Variants in SSTR3 observed in about 807,000 individuals in gnomAD.
SSTR3 encodes somatostatin receptor type 3.
For synonymous variants in SSTR3, 281 were observed against 269.2 expected (o/e 1.04, Z -0.43); for missense variants, 504 against 604.7 (o/e 0.83, Z 1.75).
At chr22:37,215,147 T>A (rs919915530), upstream of SSTR3, among the ~76,000 whole-genome samples, 3 of 152,366 alleles carry the variant, frequency 2.0e-5, no homozygotes, top group Non-Finnish European at 4.4e-5. Flanking sequence ...CCTCGGTGCA[T>A]ACATCCCAAT....
Position 37,205,017 on chromosome 22 carries a change from C to T in SSTR3, c.*1530G>A, listed in dbSNP as rs1925636263. 1 of 152,512 alleles carries T rather than the reference C, an allele frequency of 6.6e-6. No homozygotes were observed. 9.4% of individuals were successfully genotyped at this position (152,512 alleles called of 1,614,324 possible). A position where few individuals can be genotyped will look rare whatever the true frequency, so the allele number is the denominator to read the frequency against. ...CTCTGGGAGGGAGTCTAGGCCCAGC[C>T]TTGGATGGTGGCTGCTCCCCATGGT... On this transcript the variant is annotated 3_prime_UTR_variant, in exon 2 of 2. Coordinates refer to ENST00000610913, the MANE Select transcript of SSTR3 (RefSeq NM_001051.5).
chr22:37,207,371 C>A lies in SSTR3; in HGVS notation c.433G>T (p.Val145Leu). ...CGGGCCGAGCGGGTGGGATGTACCA[C>A]GGCCAGGTAGCGGTCCACGCTCATG... is the stretch of plus-strand genomic sequence containing the variant. Reference protein sequence around the residue: ...TVMSVDRYLAVVHPTRSARWR... With the variant: ...TVMSVDRYLALVHPTRSARWR... The change falls in exon 2 of 2, where the codon GTG becomes TTG. Residue 145 changes from valine (V) to leucine (L), a missense_variant. Val to Leu is a conservative substitution (Grantham distance 32, BLOSUM62 1). Transcript: ENST00000610913. 1 of 1,611,000 alleles carries A rather than the reference C, an allele frequency of 6.2e-7. No homozygotes were observed. The highest frequency in any genetic ancestry group is 8.5e-7 in the Non-Finnish European group (1 of 1,178,348).
At chr22:37,213,754 G>A (rs1432937817), upstream of SSTR3, among the ~76,000 whole-genome samples, 2 of 152,064 alleles carry the variant, frequency 1.3e-5, no homozygotes, top group African/African-American at 4.8e-5. Context: ...CCTACCCACG[G>A]CTTCTCACTG....
At chr22:37,213,603 C>T (rs890330925), upstream of SSTR3, among the ~76,000 whole-genome samples, 1 of 152,242 alleles carries the variant, frequency 6.6e-6, no homozygotes, top group African/African-American at 2.4e-5. Context: ...GTCCCTTTGC[C>T]TTGTGCCCGG....
At position 37,207,403 on chromosome 22, in the gene SSTR3, A is replaced by G. The variant is rs774649311; in HGVS notation, c.401T>C (p.Leu134Pro). The change falls in exon 2 of 2, where the codon CTG becomes CCG. Residue 134 changes from leucine (L) to proline (P), a missense_variant. Physicochemically the swap from Leu to Pro is moderately conservative, Grantham distance 98. Transcript: ENST00000610913. Reference sequence around the variant, plus strand: ...GTAGCGGTCCACGCTCATGACAGTCAGGCAGAATATGCTGGTGAACTGGTT... The same window carrying G: ...GTAGCGGTCCACGCTCATGACAGTCGGGCAGAATATGCTGGTGAACTGGTT... ...GINQFTSIFC[L>P]TVMSVDRYLA... The G allele has an allele frequency of 3.7e-6, 6 of 1,613,016 alleles. No homozygotes were observed. The highest frequency in any genetic ancestry group is 5.1e-6 in the Non-Finnish European group (6 of 1,179,614).
the SSTR3 span, among the ~76,000 whole-genome samples, chr22:37,219,841 C>A: frequency 6.6e-6 from 1 of 152,162 alleles, no homozygotes; most frequent in Non-Finnish European, 1.5e-5. Flanking sequence ...CCGGCACATC[C>A]AGGTCAGCTC....
chr22:37,204,400 T>A lies in SSTR3; in HGVS notation c.*2147A>T, dbSNP rs1925583647. 1 of 152,404 alleles carries A rather than the reference T, an allele frequency of 6.6e-6. No homozygotes were observed. Among genetic ancestry groups the A allele is most frequent in the African/African-American group, 2.4e-5 (1 of 41,454 alleles). The allele number at this position is 152,404 out of a possible 1,614,324, so 9.4% of individuals were successfully genotyped here. A position where few individuals can be genotyped will look rare whatever the true frequency, so the allele number is the denominator to read the frequency against. On this transcript the variant is annotated 3_prime_UTR_variant, in exon 2 of 2. Coordinates refer to ENST00000610913, the MANE Select transcript of SSTR3 (RefSeq NM_001051.5). The stretch of plus-strand genomic sequence containing the variant: ...AGAAGGCCAGGGCATCCTTCCTCCC[T>A]TGGACCCTCAGATCTTCCTCAAGAA...
Position 37,207,724 on chromosome 22 carries a change from G to A in SSTR3, c.80C>T (p.Thr27Ile), listed in dbSNP as rs145680119. The A allele has an allele frequency of 6.5e-7, 1 of 1,533,198 alleles. No homozygotes were observed. The highest frequency in any genetic ancestry group is 8.8e-7 in the Non-Finnish European group (1 of 1,140,096). The allele number at this position is 1,533,198 out of a possible 1,614,324, so 95.0% of individuals were successfully genotyped here. ...NASSAWPPDATLGNVSAGPSP... is the reference protein window; with the variant it reads ...NASSAWPPDAILGNVSAGPSP... ...TGGGCCCGCCGACACGTTGCCCAGG[G>A]TGGCATCTGGGGGCCAGGCCGAGGA... Residue 27 changes from threonine to isoleucine, a missense_variant, in exon 2 of 2, where the codon ACC becomes ATC. Physicochemically the swap from Thr to Ile is moderately conservative, Grantham distance 89. Coordinates refer to ENST00000610913, the MANE Select transcript of SSTR3 (RefSeq NM_001051.5).
chr22:37,215,513 G>T (rs942187130), upstream of SSTR3, among the ~76,000 whole-genome samples: 1 of 152,218 alleles, frequency 6.6e-6, no homozygotes, highest in African/African-American at 2.4e-5. Context: ...AGCCTCCCGA[G>T]TAGCAGGGAT....
At position 37,207,412 on chromosome 22, in the gene SSTR3, A is replaced by G; in HGVS notation, c.392T>C (p.Ile131Thr). The G allele has an allele frequency of 1.2e-6, 2 of 1,613,314 alleles. No homozygotes were observed. Among genetic ancestry groups the G allele is most frequent in the Non-Finnish European group, 1.7e-6 (2 of 1,179,726 alleles). ...CACGCTCATGACAGTCAGGCAGAAT[A>G]TGCTGGTGAACTGGTTGATGCCATC... The part of the protein sequence containing the change: ...AVDGINQFTS[I>T]FCLTVMSVDR... Residue 131 changes from isoleucine (I) to threonine (T), a missense_variant, in exon 2 of 2, where the codon ATA (isoleucine) becomes ACA (threonine). Transcript: ENST00000610913.
chr22:37,214,883 G>T (rs1444133027), upstream of SSTR3, among the ~76,000 whole-genome samples: 3 of 152,024 alleles, frequency 2.0e-5, no homozygotes, highest in Non-Finnish European at 4.4e-5. Flanking sequence ...AAGCACCAGG[G>T]CCTCCATCTG....
chr22:37,211,672 G>A (rs1055039564), intron 1 of SSTR3, among the ~76,000 whole-genome samples, 153 bp downstream of exon 1: 1 of 152,042 alleles, frequency 6.6e-6, no homozygotes, highest in Non-Finnish European at 1.5e-5. Context: ...CCCTGCAGCC[G>A]ACCGGGAGGT....
intron 1 of SSTR3, chr22:37,210,678 C>G: frequency 1.0e-6 from 1 of 985,450 alleles, no homozygotes; most frequent in South Asian, 4.7e-5. Context: ...TGGGGGCGGA[C>G]TCCTTGGAGG....
the SSTR3 span, among the ~76,000 whole-genome samples, chr22:37,218,455 TG>T: frequency 6.6e-6 from 1 of 152,266 alleles, no homozygotes; most frequent in South Asian, 2.1e-4. Flanking sequence ...CTCAGGAGGC[TG>T]AGGCAGGAGA....
In SSTR3 at chr22:37,210,476, T is replaced by C. The variant is rs34443651; in HGVS notation, c.-37+1349A>G. On this transcript the variant is annotated intron_variant, in intron 1 of 1. Transcript: ENST00000610913. The stretch of plus-strand genomic sequence containing the variant: ...CACCCTTATCTCAGCCGGTCTTCCC[T>C]GTCAAAGTTTGAGGGGCCCAGGCAG... The C allele has an allele frequency of 1.2e-4, 117 of 975,434 alleles. 8 individuals are homozygous for C. In the East Asian group the frequency reaches 0.013, roughly 108 times the overall value. 60.4% of individuals were successfully genotyped at this position (975,434 alleles called of 1,614,324 possible).
upstream of SSTR3, among the ~76,000 whole-genome samples, chr22:37,214,672 C>T (rs1172806184): frequency 6.6e-6 from 1 of 152,192 alleles, no homozygotes; most frequent in Non-Finnish European, 1.5e-5. Flanking sequence ...ACCTTGTACT[C>T]CCCTGCTTCC....
Position 37,212,239 on chromosome 22 carries a change from G to C in SSTR3, c.-451C>G. The C allele has an allele frequency of 1.4e-5, 9 of 661,530 alleles. No individual in the cohort carries two copies. Among genetic ancestry groups the C allele is most frequent in the South Asian group, 6.9e-5 (1 of 14,394 alleles). The allele number at this position is 661,530 out of a possible 1,614,324, so 41.0% of individuals were successfully genotyped here. A position where few individuals can be genotyped will look rare whatever the true frequency, so the allele number is the denominator to read the frequency against. The stretch of plus-strand genomic sequence containing the variant: ...AGAGAGAGAGAAAGAGGGAGGGGGA[G>C]AGAGAGAGAGGGAGAGGGAGAGGAG... On this transcript the variant is annotated 5_prime_UTR_variant, in exon 1 of 2. Coordinates refer to ENST00000610913, the MANE Select transcript of SSTR3 (RefSeq NM_001051.5).
At chr22:37,217,081 G>T (rs562729268), upstream of SSTR3, among the ~76,000 whole-genome samples, 45 of 152,246 alleles carry the variant, frequency 3.0e-4, no homozygotes, top group African/African-American at 1.0e-3. Flanking sequence ...GATTACAGGC[G>T]TGAGCCACCG....
rs755421397 is a variant in SSTR3, at chr22:37,207,243, G to A, written c.561C>T (p.Gly187=). 7.5e-6 allele frequency: 12 copies of A among 1,606,138 alleles called. No homozygotes were observed. Among genetic ancestry groups the A allele is most frequent in the Non-Finnish European group, 1.0e-5 (12 of 1,176,414 alleles). ...GCCACTGCATGTGGCAGGTGCTCAT[G>A]CCGCGGGGCACTCCCGAGAAGACCA... is the stretch of plus-strand genomic sequence containing the variant. The part of the protein sequence containing the change: ...PVVVFSGVPR[G]MSTCHMQWPE... Residue 187 remains glycine (G), a synonymous_variant, in exon 2 of 2, where the codon GGC becomes GGT. Transcript: ENST00000610913.
Sources: gnomAD v4.1 joint callset for allele counts (sites outside exome capture counted in the v4.1 genomes callset) on GRCh38, gnomAD v4.1.1 for gene constraint, MANE v1.5 for transcripts, NCBI Gene and HGNC (gene_info 2026-07-23, HGNC 2026-07-21) for gene names.